The following VPS13A variants were observed in gnomAD, a reference collection of about 807,000 sequenced individuals.
The protein encoded by VPS13A is intermembrane lipid transfer protein VPS13A.
In VPS13A, 264 loss-of-function variants were observed where a neutral mutation model predicts 390.9. The observed-to-expected ratio is 0.68, with a 90% CI of 0.61 to 0.75. The LOEUF (loss-of-function observed/expected upper bound fraction) is 0.75. Ranked by LOEUF, VPS13A falls within the 30% of genes least tolerant of loss-of-function variation. The pLI, the probability that VPS13A is intolerant of heterozygous loss-of-function variation, is 0.00. For missense variants in VPS13A, 3,409 were observed against 3,733.9 expected, an observed-to-expected ratio of 0.91 and a Z score of 2.27; for synonymous variants, 1,231 against 1,227.1, an observed-to-expected ratio of 1.00 and a Z score of -0.07.
At position 77,419,810 on chromosome 9, in the gene VPS13A, C is replaced by T. The variant is rs927393491; in HGVS notation, c.*3804C>T. 31 of 152,202 alleles carry T rather than the reference C, an allele frequency of 2.0e-4. No homozygotes were observed. The highest frequency in any genetic ancestry group is 1.6e-3 in the Admixed American group (24 of 15,282). The allele number at this position is 152,202 out of a possible 1,614,324, so 9.4% of individuals were successfully genotyped here. The stretch of plus-strand genomic sequence containing the variant: ...TTTGAGTCCGTTGAATCTGCACCAT[C>T]TACCTTTTGGCTGATTCACCATACA... On this transcript the variant is annotated 3_prime_UTR_variant, in exon 72 of 72. Transcript: ENST00000360280.
chr9:77,310,295 C>T (rs926608659), intron 35 of VPS13A, among the ~76,000 whole-genome samples: 1 of 151,498 alleles, frequency 6.6e-6, no homozygotes. Flanking sequence ...AATTAACTGG[C>T]TTTCATTAAA....
intron 71 of VPS13A, 200 bp downstream of exon 71, chr9:77,407,807 A>C (rs1373278952): frequency 1.9e-6 from 1 of 533,302 alleles, no homozygotes; most frequent in Non-Finnish European, 3.3e-6. Context: ...TCAATTCGGC[A>C]TACCTACTTG....
intron 1 of VPS13A, among the ~76,000 whole-genome samples, chr9:77,198,631 C>T (rs1048533377): frequency 6.6e-6 from 1 of 151,926 alleles, no homozygotes; most frequent in South Asian, 2.1e-4. Context: ...TTGTAGACCA[C>T]GTACTTTTAT....
chr9:77,221,473 TA>T, intron 13 of VPS13A, 117 bp downstream of exon 13: 2 of 1,153,464 alleles, frequency 1.7e-6, no homozygotes, highest in South Asian at 2.8e-5. Context: ...TCATCTCTTT[TA>T]CTTAGACTTT....
rs552955332 is a variant in VPS13A at position 77,400,695 on chromosome 9, A to G, written c.9190-2541A>G. 1.8e-4 allele frequency among the ~76,000 whole-genome samples: 28 copies of G among 151,628 alleles called. 1 individual carries two copies. In the South Asian group the frequency reaches 2.5e-3, roughly 14 times the overall value. On this transcript the variant is annotated intron_variant, in intron 68 of 71. Coordinates refer to ENST00000360280, the MANE Select transcript of VPS13A (RefSeq NM_033305.3). ...AAAAAAAAATTAGCCGGGCGTGGTGATGGGTGCCTGTAGTCCCAGCTACTT... is the reference window on the plus strand; with the variant it reads ...AAAAAAAAATTAGCCGGGCGTGGTGGTGGGTGCCTGTAGTCCCAGCTACTT...
In VPS13A at chr9:77,340,033, C is replaced by T; in HGVS notation, c.6774+122C>T. The T allele has an allele frequency of 8.0e-6, 11 of 1,378,764 alleles. No individual in the cohort carries two copies. In the South Asian group the frequency reaches 1.3e-4, roughly 16 times the overall value. 85.4% of individuals were successfully genotyped at this position (1,378,764 alleles called of 1,614,324 possible). On this transcript the variant is annotated intron_variant, in intron 48 of 71. Transcript: ENST00000360280. The stretch of plus-strand genomic sequence containing the variant: ...GAAATAACTTGTTAAATATTTGAGG[C>T]CAAAAAGATTAGAATTTAATATTAT...
intron 1 of VPS13A, 41 bp downstream of exon 1, chr9:77,177,845 T>C: frequency 6.4e-7 from 1 of 1,564,852 alleles, no homozygotes; most frequent in South Asian, 1.1e-5. Flanking sequence ...CTCTCGTGCT[T>C]CCCGGCCGTC....
chr9:77,400,651 C>G (rs558785496), intron 68 of VPS13A, among the ~76,000 whole-genome samples: 1 of 150,964 alleles, frequency 6.6e-6, no homozygotes, highest in African/African-American at 2.4e-5. Flanking sequence ...GGTGAAACCC[C>G]GTCTCTACTA....
chr9:77,286,495 T>A (rs1827332919), intron 31 of VPS13A, among the ~76,000 whole-genome samples: 1 of 152,226 alleles, frequency 6.6e-6, no homozygotes, highest in South Asian at 2.1e-4. Context: ...TTATTTATAT[T>A]TGCAGGGTAG....
intron 1 of VPS13A, among the ~76,000 whole-genome samples, chr9:77,188,116 T>C (rs541509591): frequency 1.3e-5 from 2 of 152,298 alleles, no homozygotes; most frequent in South Asian, 4.2e-4. Context: ...CCCCTCTTGC[T>C]CCTGCTGTGA....
chr9:77,388,985 T>TA (rs1393719577), intron 68 of VPS13A, among the ~76,000 whole-genome samples: 10 of 152,198 alleles, frequency 6.6e-5, no homozygotes, highest in Non-Finnish European at 1.3e-4. Flanking sequence ...TTTATAAAGA[T>TA]ACGAAATTTT....
intron 31 of VPS13A, among the ~76,000 whole-genome samples, chr9:77,292,192 G>A (rs1327312045): frequency 6.6e-6 from 1 of 152,138 alleles, no homozygotes; most frequent in Middle Eastern, 3.4e-3. Flanking sequence ...CCCATCTCCC[G>A]TCTTTCTCAA....
At position 77,356,865 on chromosome 9, in the gene VPS13A, C is replaced by G. The variant is rs147169859; in HGVS notation, c.7804C>G (p.Pro2602Ala). 31 of 1,613,412 alleles carry G rather than the reference C, an allele frequency of 1.9e-5. No homozygotes were observed. The highest frequency in any genetic ancestry group is 2.5e-5 in the Non-Finnish European group (30 of 1,179,872). Residue 2602 changes from proline (P) to alanine (A), a missense_variant and splice_region_variant, in exon 55 of 72, where the codon CCG becomes GCG. Pro to Ala is a conservative substitution (Grantham distance 27, BLOSUM62 -1). Coordinates refer to ENST00000360280, the MANE Select transcript of VPS13A (RefSeq NM_033305.3). ...GGTTATTCAGTTGGACACTAATGTT[C>G]CGGTAATATTTTTAAGTACTGATGT... is the stretch of plus-strand genomic sequence containing the variant. ...DKVIQLDTNV[P>A]VRLTPTGHNM...
At chr9:77,339,963 T>TA in intron 48 of VPS13A, 52 bp downstream of exon 48, 3 of 1,586,884 alleles carry the variant, frequency 1.9e-6, no homozygotes, top group Non-Finnish European at 2.6e-6. Flanking sequence ...TTGTCACTTT[T>TA]TAGTTTTTAA....
intron 68 of VPS13A, among the ~76,000 whole-genome samples, chr9:77,384,408 T>G (rs924600980): frequency 3.3e-5 from 5 of 151,940 alleles, no homozygotes; most frequent in Admixed American, 3.3e-4. Context: ...TGGAATTGTC[T>G]TAGGTCTATT....
chr9:77,205,867 G>A (rs1207906969), intron 4 of VPS13A, 111 bp from the exon 5 acceptor site: 2 of 784,992 alleles, frequency 2.5e-6, no homozygotes, highest in African/African-American at 1.8e-5. Context: ...TGGGATTACA[G>A]GCATGAGCCA....
intron 1 of VPS13A, among the ~76,000 whole-genome samples, chr9:77,182,119 A>T (rs1377355708): frequency 6.6e-6 from 1 of 151,894 alleles, no homozygotes; most frequent in African/African-American, 2.4e-5. Flanking sequence ...TTTGAGACGG[A>T]GTCTCGTTCT....
intron 31 of VPS13A, among the ~76,000 whole-genome samples, chr9:77,290,749 T>A (rs182626001): frequency 3.3e-5 from 5 of 152,356 alleles, no homozygotes; most frequent in Admixed American, 3.3e-4. Flanking sequence ...TTTTCATTTA[T>A]GTTACCATGT....
intron 42 of VPS13A, among the ~76,000 whole-genome samples, chr9:77,320,679 T>C (rs1354231912): frequency 6.6e-6 from 1 of 152,088 alleles, no homozygotes; most frequent in Non-Finnish European, 1.5e-5. Flanking sequence ...TAGGTTAGAA[T>C]ACACATGGTC....
Sources: allele counts gnomAD v4.1 joint callset (sites outside exome capture counted in the v4.1 genomes callset), GRCh38; gene constraint gnomAD v4.1.1; transcripts MANE v1.5; gene names NCBI Gene and HGNC (gene_info 2026-07-23, HGNC 2026-07-21).